Variants in KLF12 observed in about 807,000 individuals in gnomAD.
KLF12 encodes Krueppel-like factor 12.
KLF12 carries 9 observed loss-of-function variants against 37.8 expected under a neutral mutation model. That is an observed-to-expected ratio of 0.24 (90% CI 0.14 to 0.42). KLF12 has a LOEUF of 0.42. KLF12 is among the 10% of genes least tolerant of loss of function. The pLI, the probability that KLF12 is intolerant of heterozygous loss-of-function variation, is 1.00. For missense variants in KLF12, 411 were observed against 516.0 expected (o/e 0.80, Z 1.97); for synonymous variants, 208 against 202.1 (o/e 1.03, Z -0.25).
chr13:73,766,342 A>G (rs936747727), intron 5 of KLF12, among the ~76,000 whole-genome samples: 1 of 152,230 alleles, frequency 6.6e-6, no homozygotes, highest in Non-Finnish European at 1.5e-5. Context: ...TGACAGACTC[A>G]GCTAGAAATG....
chr13:73,781,249 T>C (rs1177656139), intron 5 of KLF12, among the ~76,000 whole-genome samples: 4 of 152,240 alleles, frequency 2.6e-5, no homozygotes, highest in Admixed American at 6.5e-5. Context: ...ACACTTCCTG[T>C]AGTATAGTTT....
chr13:73,898,437 T>C (rs960372818), intron 3 of KLF12, among the ~76,000 whole-genome samples: 1 of 152,210 alleles, frequency 6.6e-6, no homozygotes, highest in Non-Finnish European at 1.5e-5. Flanking sequence ...GATAACCACT[T>C]CCTATTTAAT....
intron 4 of KLF12, among the ~76,000 whole-genome samples, chr13:73,828,343 C>T (rs1402100222): frequency 6.6e-6 from 1 of 152,102 alleles, no homozygotes; most frequent in African/African-American, 2.4e-5. Context: ...CTTAATTTTT[C>T]CAAATTCCAA....
At chr13:73,759,569 A>G (rs1879412730) in intron 6 of KLF12, among the ~76,000 whole-genome samples, 1 of 152,130 alleles carries the variant, frequency 6.6e-6, no homozygotes, top group South Asian at 2.1e-4. Flanking sequence ...CTTAGCTTGT[A>G]ATGAATTAAA....
Position 73,944,067 on chromosome 13 carries a change from T to C in KLF12, c.37A>G (p.Ile13Val). ...AACATTCTGTTCTCAAAGGTGTTGATATTCTGAGAATAGAAGGGAGAGAGA... is the reference window on the plus strand; with the variant it reads ...AACATTCTGTTCTCAAAGGTGTTGACATTCTGAGAATAGAAGGGAGAGAGA... The change falls in exon 3 of 8, where the codon ATC becomes GTC. Residue 13 changes from isoleucine (I) to valine (V), a missense_variant. This residue lies in a region of KLF12 where 351 missense variants were observed against 397.8 expected (regional missense o/e 0.88). Transcript: ENST00000377669. 1.3e-6 allele frequency: 2 copies of C among 1,596,972 alleles called. No individual in the cohort carries two copies. The highest frequency in any genetic ancestry group is 2.2e-5 in the East Asian group (1 of 44,766).
the KLF12 span, among the ~76,000 whole-genome samples, chr13:74,189,056 A>G: frequency 6.6e-6 from 1 of 152,190 alleles, no homozygotes; most frequent in Non-Finnish European, 1.5e-5. Context: ...TGCTTAAATA[A>G]GTTTAGAAGT....
At chr13:73,822,275 T>C (rs1368804149) in intron 4 of KLF12, among the ~76,000 whole-genome samples, 4 of 152,252 alleles carry the variant, frequency 2.6e-5, no homozygotes, top group Admixed American at 6.5e-5. Flanking sequence ...TGGTTTGGGA[T>C]GACATGGGAA....
chr13:73,986,938 G>GT (rs71788398), intron 2 of KLF12, among the ~76,000 whole-genome samples: 14 of 150,088 alleles, frequency 9.3e-5, no homozygotes, highest in South Asian at 2.1e-4. Context: ...ATAAATTTGT[G>GT]TTTTTTTTTC....
the KLF12 span, among the ~76,000 whole-genome samples, chr13:74,159,032 C>G: frequency 2.6e-5 from 4 of 152,218 alleles, no homozygotes; most frequent in Non-Finnish European, 4.4e-5. Flanking sequence ...CCCCACTTCT[C>G]TGTATGTAAA....
intron 1 of KLF12, among the ~76,000 whole-genome samples, chr13:74,073,955 G>A (rs1176492066): frequency 2.0e-5 from 3 of 152,084 alleles, no homozygotes; most frequent in Non-Finnish European, 4.4e-5. Flanking sequence ...AATCTTTCTT[G>A]CCCCATTTTA....
At chr13:74,061,461 G>A (rs1873585363) in intron 1 of KLF12, among the ~76,000 whole-genome samples, 1 of 152,222 alleles carries the variant, frequency 6.6e-6, no homozygotes, top group Non-Finnish European at 1.5e-5. Flanking sequence ...GCCCTCTAAA[G>A]TGGCACGCCA....
At chr13:74,195,804 G>C in the KLF12 span, among the ~76,000 whole-genome samples, 1 of 152,006 alleles carries the variant, frequency 6.6e-6, no homozygotes, top group Non-Finnish European at 1.5e-5. Flanking sequence ...GGCTGGTCTC[G>C]AACTCCTGAC....
chr13:74,248,906 C>T, the KLF12 span, among the ~76,000 whole-genome samples: 9 of 151,668 alleles, frequency 5.9e-5, no homozygotes, highest in Non-Finnish European at 1.0e-4. Flanking sequence ...GAAGGAGGGA[C>T]GTGAGAAGGG....
the KLF12 span, among the ~76,000 whole-genome samples, chr13:74,304,736 G>A: frequency 2.0e-5 from 3 of 152,030 alleles, no homozygotes; most frequent in Non-Finnish European, 4.4e-5. Context: ...AGATGTAGGA[G>A]AAAGTGAAGT....
chr13:74,189,027 A>C, the KLF12 span, among the ~76,000 whole-genome samples: 1 of 151,922 alleles, frequency 6.6e-6, no homozygotes, highest in Non-Finnish European at 1.5e-5. Context: ...AAAAACAAAA[A>C]CCCAAAAAGT....
chr13:74,149,126 G>A, the KLF12 span, among the ~76,000 whole-genome samples: 2 of 152,076 alleles, frequency 1.3e-5, no homozygotes, highest in Non-Finnish European at 1.5e-5. Context: ...GTTGTTGGAT[G>A]TCTTAACAAT....
At chr13:73,817,071 C>T (rs1425645060) in intron 4 of KLF12, among the ~76,000 whole-genome samples, 1 of 152,060 alleles carries the variant, frequency 6.6e-6, no homozygotes, top group African/African-American at 2.4e-5. Context: ...AATCCCAGCA[C>T]CTTAGGAGGC....
At chr13:73,983,007 CCTT>C (rs1891729062) in intron 2 of KLF12, among the ~76,000 whole-genome samples, 1 of 151,768 alleles carries the variant, frequency 6.6e-6, no homozygotes, top group Non-Finnish European at 1.5e-5. Flanking sequence ...CTCTCATTCT[CCTT>C]CTTTTGCTCT....
chr13:74,254,972 T>A, the KLF12 span, among the ~76,000 whole-genome samples: 1 of 152,186 alleles, frequency 6.6e-6, no homozygotes, highest in Non-Finnish European at 1.5e-5. Context: ...GAATGGCTGC[T>A]GCTGTGATCA....
Sources: gnomAD v4.1 joint callset for allele counts (sites outside exome capture counted in the v4.1 genomes callset) on GRCh38, gnomAD v4.1.1 for gene constraint, gnomAD v4.1.1 regional missense constraint, MANE v1.5 for transcripts, NCBI Gene and HGNC (gene_info 2026-07-23, HGNC 2026-07-21) for gene names.